The following MGAT5 variants were observed in gnomAD, a reference collection of about 807,000 sequenced individuals.
MGAT5 encodes the protein alpha-1,6-mannosylglycoprotein 6-beta-N-acetylglucosaminyltransferase A.
A neutral mutation model predicts 94.3 loss-of-function variants in MGAT5; 30 were observed. The ratio of observed to expected loss-of-function variants is 0.32; its 90% confidence interval spans 0.24 to 0.43. The LOEUF (loss-of-function observed/expected upper bound fraction) is 0.43, where lower values mean the gene tolerates loss of function less well. Ranked by LOEUF, MGAT5 falls within the 20% of genes least tolerant of loss-of-function variation. The pLI, the probability that MGAT5 is intolerant of heterozygous loss-of-function variation, is 1.00. For missense variants in MGAT5, 691 were observed against 905.5 expected (o/e 0.76, Z 3.04); for synonymous variants, 310 against 322.9 (o/e 0.96, Z 0.43).
intron 4 of MGAT5, among the ~76,000 whole-genome samples, chr2:134,326,154 G>T (rs894695624): frequency 3.1e-4 from 47 of 151,316 alleles, no homozygotes; most frequent in African/African-American, 1.1e-3. Flanking sequence ...TCTGTGCAGA[G>T]ATGTGACTCT....
At chr2:134,331,649 G>A (rs1248185120) in intron 4 of MGAT5, among the ~76,000 whole-genome samples, 1 of 152,054 alleles carries the variant, frequency 6.6e-6, no homozygotes, top group South Asian at 2.1e-4. Flanking sequence ...AGGGTACCCA[G>A]TGTGTCTCCA....
chr2:134,302,980 G>C (rs1370832803), intron 2 of MGAT5, among the ~76,000 whole-genome samples: 4 of 151,936 alleles, frequency 2.6e-5, no homozygotes, highest in Non-Finnish European at 5.9e-5. Flanking sequence ...AACATATTTG[G>C]GAAGTTGTCA....
intron 1 of MGAT5, among the ~76,000 whole-genome samples, chr2:134,229,470 C>A (rs1681239091): frequency 6.6e-6 from 1 of 152,134 alleles, no homozygotes; most frequent in Non-Finnish European, 1.5e-5. Flanking sequence ...AATTAATCAG[C>A]TAAATAAGAT....
intron 10 of MGAT5, among the ~76,000 whole-genome samples, chr2:134,367,993 A>G (rs1471070690): frequency 6.6e-6 from 1 of 152,170 alleles, no homozygotes; most frequent in African/African-American, 2.4e-5. Context: ...TGGTGTGTAG[A>G]TGAGGAGCTG....
intron 1 of MGAT5, among the ~76,000 whole-genome samples, chr2:134,207,574 G>GT (rs1197679345): frequency 3.4e-4 from 43 of 127,466 alleles, no homozygotes; most frequent in Non-Finnish European, 2.1e-4. Context: ...ACACTGAAAG[G>GT]TTAAAAAAAA....
chr2:134,236,820 G>A (rs1681662296), intron 1 of MGAT5, among the ~76,000 whole-genome samples: 1 of 152,134 alleles, frequency 6.6e-6, no homozygotes, highest in Non-Finnish European at 1.5e-5. Flanking sequence ...CAGGGACTCT[G>A]TCTTGTACCC....
chr2:134,256,353 A>G (rs2105525996), intron 1 of MGAT5, among the ~76,000 whole-genome samples: 1 of 152,354 alleles, frequency 6.6e-6, no homozygotes. Context: ...GTGCAGTTTT[A>G]AAGTTTCTGG....
chr2:134,248,716 G>A (rs1305253317), intron 1 of MGAT5, among the ~76,000 whole-genome samples: 2 of 152,078 alleles, frequency 1.3e-5, no homozygotes, highest in African/African-American at 4.8e-5. Context: ...CGCATGGGAT[G>A]GTATTGTCCT....
intron 10 of MGAT5, among the ~76,000 whole-genome samples, chr2:134,381,392 AGAT>A (rs749191646): frequency 0.092 from 11,122 of 120,944 alleles, 548 homozygotes; most frequent in Middle Eastern, 0.21. Flanking sequence ...TTAGATAGAT[AGAT>A]AGATAGATAG....
At chr2:134,328,346 G>A (rs1037791673) in intron 4 of MGAT5, among the ~76,000 whole-genome samples, 20 of 152,054 alleles carry the variant, frequency 1.3e-4, no homozygotes, top group African/African-American at 4.6e-4. Flanking sequence ...CTTGTCAGGG[G>A]GCAGCAGTAC....
chr2:134,121,115 C>T (rs1685559565), intron 1 of MGAT5, among the ~76,000 whole-genome samples: 2 of 152,158 alleles, frequency 1.3e-5, no homozygotes, highest in Non-Finnish European at 1.5e-5. Flanking sequence ...GAGACGTGGG[C>T]GCCGCTCTCG....
chr2:134,402,903 A>G, intron 10 of MGAT5, 85 bp from the exon 11 acceptor site: 1 of 1,336,468 alleles, frequency 7.5e-7, no homozygotes, highest in Non-Finnish European at 1.0e-6. Flanking sequence ...TGTGGCCTCT[A>G]GTCTTAGAAG....
chr2:134,337,400 C>T (rs937139961), intron 5 of MGAT5, among the ~76,000 whole-genome samples: 3 of 152,052 alleles, frequency 2.0e-5, no homozygotes, highest in Non-Finnish European at 2.9e-5. Flanking sequence ...ATCGCTTGAG[C>T]GCAAGTTCAA....
chr2:134,315,719 A>G (rs1406195587), intron 2 of MGAT5, among the ~76,000 whole-genome samples: 2 of 152,240 alleles, frequency 1.3e-5, no homozygotes, highest in African/African-American at 2.4e-5. Context: ...GCTGGATGAA[A>G]TAGAGGCGGA....
rs2230908 is a variant in MGAT5 at position 134,448,769 on chromosome 2, C to A, written c.2148C>A (p.Ala716=). 93,623 of 1,614,120 alleles carry A rather than the reference C, an allele frequency of 0.058. 3,260 individuals are homozygous for A. Among genetic ancestry groups the A allele is most frequent in the Admixed American group, 0.13 (8,071 of 60,022 alleles). ...GDLLLFSCAG[A]HPRHQRVCPC... ...TCCTGCTCTTCAGCTGTGCAGGCGC[C>A]CACCCCAGGCACCAGAGGGTCTGCC... is the stretch of plus-strand genomic sequence containing the variant. Residue 716 remains alanine, a synonymous_variant, in exon 16 of 16, where the codon GCC becomes GCA. Coordinates refer to ENST00000281923, the MANE Select transcript of MGAT5 (RefSeq NM_002410.5).
chr2:134,421,270 A>G (rs1031420752), intron 12 of MGAT5, among the ~76,000 whole-genome samples: 3 of 152,164 alleles, frequency 2.0e-5, no homozygotes, highest in Admixed American at 6.5e-5. Flanking sequence ...GGATAATTCA[A>G]TGTATGTTTG....
At chr2:134,276,848 A>G (rs1381571376) in intron 2 of MGAT5, among the ~76,000 whole-genome samples, 1 of 152,146 alleles carries the variant, frequency 6.6e-6, no homozygotes, top group Non-Finnish European at 1.5e-5. Context: ...CCAGGGAGAA[A>G]GAATTTGAGA....
intron 2 of MGAT5, among the ~76,000 whole-genome samples, chr2:134,304,630 G>A (rs896116219): frequency 1.3e-5 from 2 of 152,174 alleles, no homozygotes; most frequent in Non-Finnish European, 2.9e-5. Flanking sequence ...AACTTTACAA[G>A]CAGAGTATTG....
At chr2:134,193,121 T>TA (rs1489032807) in intron 1 of MGAT5, among the ~76,000 whole-genome samples, 17 of 138,834 alleles carry the variant, frequency 1.2e-4, no homozygotes, top group African/African-American at 4.9e-4. Flanking sequence ...TATTTTTATT[T>TA]TTTATTTTTT....
Sources: allele counts gnomAD v4.1 joint callset (sites outside exome capture counted in the v4.1 genomes callset), GRCh38; gene constraint gnomAD v4.1.1; transcripts MANE v1.5; gene names NCBI Gene and HGNC (gene_info 2026-07-23, HGNC 2026-07-21).